The following PLPP1 variants were observed in gnomAD, a reference collection of about 807,000 sequenced individuals.
The protein encoded by PLPP1 is phospholipid phosphatase 1, also known as lipid phosphate phosphohydrolase 1a.
A neutral mutation model predicts 31.2 loss-of-function variants in PLPP1; 24 were observed. The ratio of observed to expected loss-of-function variants is 0.77; its 90% CI spans 0.56 to 1.08. PLPP1 has a LOEUF of 1.08. PLPP1 is among the 50% of genes least tolerant of loss of function. The probability of loss-of-function intolerance (pLI) is 0.00; values close to 1 mark genes in which losing one functional copy is unlikely to be tolerated. For missense variants in PLPP1, 319 were observed against 342.7 expected, an observed-to-expected ratio of 0.93 and a Z score of 0.55; for synonymous variants, 146 against 126.3, an observed-to-expected ratio of 1.16 and a Z score of -1.05.
intron 1 of PLPP1, among the ~76,000 whole-genome samples, chr5:55,527,389 T>C (rs1740494919): frequency 6.6e-6 from 1 of 152,214 alleles, no homozygotes; most frequent in Non-Finnish European, 1.5e-5. Flanking sequence ...TCTATACCCA[T>C]TGACTTTGAT....
At chr5:55,462,566 G>C (rs1052550286) in intron 3 of PLPP1, among the ~76,000 whole-genome samples, 3 of 151,958 alleles carry the variant, frequency 2.0e-5, no homozygotes, top group African/African-American at 7.3e-5. Context: ...TTGGAACGTT[G>C]AGGCAAGTAA....
intron 3 of PLPP1, among the ~76,000 whole-genome samples, chr5:55,442,941 T>C (rs1751658287): frequency 6.6e-6 from 1 of 151,832 alleles, no homozygotes; most frequent in Non-Finnish European, 1.5e-5. Context: ...AAGATGCTCA[T>C]GCAAATAACT....
intron 3 of PLPP1, among the ~76,000 whole-genome samples, chr5:55,463,389 C>T (rs919519681): frequency 1.3e-5 from 2 of 152,114 alleles, no homozygotes; most frequent in African/African-American, 4.8e-5. Context: ...GGGCCAGGAG[C>T]GGTGGCTCAC....
At chr5:55,497,412 A>ATTT (rs199571704) in intron 1 of PLPP1, among the ~76,000 whole-genome samples, 3 of 140,304 alleles carry the variant, frequency 2.1e-5, no homozygotes, top group Admixed American at 7.2e-5. Flanking sequence ...TTCCTGGCTA[A>ATTT]TTTTTTCTTT....
intron 4 of PLPP1, among the ~76,000 whole-genome samples, chr5:55,430,042 A>G (rs1016175135): frequency 1.3e-5 from 2 of 152,080 alleles, no homozygotes; most frequent in Non-Finnish European, 2.9e-5. Flanking sequence ...CACTCCTCCC[A>G]GGGGCCTCAG....
intron 4 of PLPP1, among the ~76,000 whole-genome samples, chr5:55,428,185 T>G (rs1751257915): frequency 6.6e-6 from 1 of 152,208 alleles, no homozygotes; most frequent in South Asian, 2.1e-4. Flanking sequence ...TCAGTGAAAC[T>G]CTGACCATGG....
chr5:55,455,386 G>GT (rs769164235), intron 3 of PLPP1, among the ~76,000 whole-genome samples: 1 of 152,124 alleles, frequency 6.6e-6, no homozygotes, highest in Non-Finnish European at 1.5e-5. Context: ...GAGCCCAGGT[G>GT]TTTAAGACCA....
intron 1 of PLPP1, among the ~76,000 whole-genome samples, chr5:55,518,914 T>G (rs927476138): frequency 2.0e-5 from 3 of 152,190 alleles, no homozygotes; most frequent in African/African-American, 7.2e-5. Context: ...TCACAGAGAA[T>G]AGCAGAGGCA....
rs1199564135 is a variant in PLPP1, at chr5:55,490,970, G to C, written c.59-15520C>G. The C allele has an allele frequency of 6.2e-7, 1 of 1,609,882 alleles. No individual in the cohort carries two copies. Among genetic ancestry groups the C allele is most frequent in the Non-Finnish European group, 8.5e-7 (1 of 1,178,322 alleles). On this transcript the variant is annotated intron_variant, in intron 1 of 5. Coordinates refer to ENST00000307259, the MANE Select transcript of PLPP1 (RefSeq NM_003711.4). The stretch of plus-strand genomic sequence containing the variant: ...TATTAATTTACTTACAGAGGAAATG[G>C]GCAAGCCAACCCCCACTAGGATGAG...
chr5:55,497,996 GC>G (rs969115019), intron 1 of PLPP1, among the ~76,000 whole-genome samples: 6 of 149,942 alleles, frequency 4.0e-5, no homozygotes, highest in African/African-American at 1.5e-4. Flanking sequence ...ATGACAGAAA[GC>G]AGGTCCACAG....
intron 1 of PLPP1, among the ~76,000 whole-genome samples, chr5:55,504,637 A>G (rs1464082447): frequency 1.3e-5 from 2 of 151,768 alleles, no homozygotes; most frequent in Non-Finnish European, 2.9e-5. Context: ...ATACACATAC[A>G]CACTAAAGGT....
intron 3 of PLPP1, among the ~76,000 whole-genome samples, chr5:55,453,189 A>G (rs1419282666): frequency 6.6e-6 from 1 of 152,206 alleles, no homozygotes; most frequent in Non-Finnish European, 1.5e-5. Flanking sequence ...TGGCTTCACA[A>G]GAAGTATACT....
At chr5:55,473,528 T>A (rs1752467222) in intron 2 of PLPP1, among the ~76,000 whole-genome samples, 1 of 152,192 alleles carries the variant, frequency 6.6e-6, no homozygotes, top group Admixed American at 6.5e-5. Context: ...CTTAAGACAT[T>A]TCTAAATTAA....
At position 55,533,846 on chromosome 5, in the gene PLPP1, A is replaced by G. The variant is rs1021448639; in HGVS notation, c.58+726T>C. ...AAGAAAGGAGTAACTGGCAACCAGA[A>G]GCCTCATAACTGAACTCTTCCAATC... On this transcript the variant is annotated intron_variant, in intron 1 of 5. Coordinates refer to ENST00000307259, the MANE Select transcript of PLPP1 (RefSeq NM_003711.4). Among the ~76,000 whole-genome samples, 23 of 152,350 alleles carry G rather than the reference A, an allele frequency of 1.5e-4. No individual in the cohort carries two copies. In the East Asian group the frequency reaches 4.2e-3, roughly 28 times the overall value.
chr5:55,424,955 T>A lies in PLPP1; in HGVS notation c.*251A>T, dbSNP rs543963093. On this transcript the variant is annotated 3_prime_UTR_variant, in exon 6 of 6. Coordinates refer to ENST00000307259, the MANE Select transcript of PLPP1 (RefSeq NM_003711.4). Reference sequence around the variant, plus strand: ...TTTATACATAAGCATTACATTTTTTTAATAAAAATGTATACAGGTGGGGCA... The same window carrying A: ...TTTATACATAAGCATTACATTTTTTAAATAAAAATGTATACAGGTGGGGCA... 6.2e-6 allele frequency: 4 copies of A among 641,844 alleles called. No individual in the cohort carries two copies. In the South Asian group the frequency reaches 6.7e-5, roughly 11 times the overall value. The allele number at this position is 641,844 out of a possible 1,614,324, so 39.8% of individuals were successfully genotyped here. A position where few individuals can be genotyped will look rare whatever the true frequency, so the allele number is the denominator to read the frequency against.
At chr5:55,488,577 CG>C (rs1303543887) in intron 1 of PLPP1, among the ~76,000 whole-genome samples, 1 of 151,816 alleles carries the variant, frequency 6.6e-6, no homozygotes, top group Non-Finnish European at 1.5e-5. Context: ...ACCTGGGAGG[CG>C]GAGGTTGCAC....
intron 2 of PLPP1, among the ~76,000 whole-genome samples, chr5:55,469,511 T>TAA (rs11339238): frequency 4.1e-4 from 59 of 143,938 alleles, no homozygotes; most frequent in African/African-American, 1.4e-3. Flanking sequence ...TAATAAAAAT[T>TAA]AAAAAAAAAA....
intron 1 of PLPP1, among the ~76,000 whole-genome samples, chr5:55,477,954 T>C (rs1276591913): frequency 6.7e-6 from 1 of 149,704 alleles, no homozygotes; most frequent in Non-Finnish European, 1.5e-5. Context: ...CACTCCAGCC[T>C]GGGTGACAGA....
At position 55,425,961 on chromosome 5, in the gene PLPP1, A is replaced by T; in HGVS notation, c.628T>A (p.Ser210Thr). Residue 210 changes from serine to threonine, a missense_variant, in exon 5 of 6, where the codon TCC becomes ACC. Ser to Thr is a moderately conservative substitution (Grantham distance 58). Transcript: ENST00000307259. Reference sequence around the variant, plus strand: ...ACTCGAGAAAGGCCCACATAAATGGATACGGCAACAAGACCAAATTGCAGT... The same window carrying T: ...ACTCGAGAAAGGCCCACATAAATGGTTACGGCAACAAGACCAAATTGCAGT... ...PTLQFGLVAV[S>T]IYVGLSRVSD... 1.2e-6 allele frequency: 2 copies of T among 1,614,028 alleles called. No homozygotes were observed. The highest frequency in any genetic ancestry group is 1.1e-5 in the South Asian group (1 of 91,062).
Sources: allele counts gnomAD v4.1 joint callset (sites outside exome capture counted in the v4.1 genomes callset), GRCh38; gene constraint gnomAD v4.1.1; transcripts MANE v1.5; gene names NCBI Gene and HGNC (gene_info 2026-07-23, HGNC 2026-07-21).